The following ATP2B4 variants were observed in gnomAD, a reference collection of about 807,000 sequenced individuals.
ATP2B4 encodes the protein plasma membrane calcium-transporting ATPase 4.
In ATP2B4, 39 loss-of-function variants were observed where a neutral mutation model predicts 110.3. That is an observed-to-expected ratio of 0.35 (90% CI 0.27 to 0.46). ATP2B4 has a LOEUF of 0.46. ATP2B4 is among the 20% of genes least tolerant of loss of function. The pLI, the probability that ATP2B4 is intolerant of heterozygous loss-of-function variation, is 1.00. For synonymous variants in ATP2B4, 538 were observed against 571.7 expected, an observed-to-expected ratio of 0.94 and a Z score of 0.84; for missense variants, 1,135 against 1,530.9, an observed-to-expected ratio of 0.74 and a Z score of 4.32.
At chr1:203,667,221 G>A (rs1257252694) in intron 1 of ATP2B4, among the ~76,000 whole-genome samples, 1 of 152,130 alleles carries the variant, frequency 6.6e-6, no homozygotes, top group Non-Finnish European at 1.5e-5. Context: ...CACAATGCAG[G>A]GATTACAGGT....
In ATP2B4 at chr1:203,686,884, G is replaced by A. The variant is rs368328915; in HGVS notation, c.193+3486G>A. On this transcript the variant is annotated intron_variant, in intron 2 of 20. Transcript: ENST00000357681. Reference sequence around the variant, plus strand: ...AGTTTTTTGTATTTTTAGTAGAGACGGGGTTTCATCATGTTGGCCAGGCTG... The same window carrying A: ...AGTTTTTTGTATTTTTAGTAGAGACAGGGTTTCATCATGTTGGCCAGGCTG... Among the ~76,000 whole-genome samples the A allele has an allele frequency of 9.9e-5, 15 of 151,010 alleles. No homozygotes were observed. The East Asian group carries it at 2.9e-3, about 29-fold the overall frequency.
At chr1:203,681,591 C>T (rs1035762617) in intron 1 of ATP2B4, among the ~76,000 whole-genome samples, 1 of 152,130 alleles carries the variant, frequency 6.6e-6, no homozygotes, top group Admixed American at 6.5e-5. Context: ...TGACACACAG[C>T]GGCCCCACTC....
chr1:203,695,196 G>C (rs955961840), intron 2 of ATP2B4, among the ~76,000 whole-genome samples: 10 of 152,184 alleles, frequency 6.6e-5, no homozygotes, highest in African/African-American at 2.4e-4. Flanking sequence ...AAGCGTCCCA[G>C]GTAGCTTAAC....
intron 2 of ATP2B4, among the ~76,000 whole-genome samples, chr1:203,691,487 C>T (rs1477087541): frequency 6.6e-6 from 1 of 152,064 alleles, no homozygotes; most frequent in Non-Finnish European, 1.5e-5. Context: ...GACTTTTTTC[C>T]CTGGGCCACA....
chr1:203,647,585 C>A (rs942155783), intron 1 of ATP2B4, among the ~76,000 whole-genome samples: 3 of 151,896 alleles, frequency 2.0e-5, no homozygotes, highest in Admixed American at 6.6e-5. Flanking sequence ...ATAGTCAGAC[C>A]CCATCTCTAC....
intron 10 of ATP2B4, among the ~76,000 whole-genome samples, chr1:203,708,809 C>T (rs570175604): frequency 4.2e-4 from 64 of 152,188 alleles, no homozygotes; most frequent in African/African-American, 1.5e-3. Flanking sequence ...GAGCTGAGAT[C>T]ACACCACTGC....
At chr1:203,698,015 A>T (rs1665583460) in intron 2 of ATP2B4, 142 bp from the exon 3 acceptor site, 1 of 713,998 alleles carries the variant, frequency 1.4e-6, no homozygotes. Flanking sequence ...TCTTTATTTT[A>T]TTTATTTTTG....
intron 1 of ATP2B4, among the ~76,000 whole-genome samples, chr1:203,642,020 G>A (rs1229382262): frequency 6.6e-6 from 1 of 152,134 alleles, no homozygotes; most frequent in Non-Finnish European, 1.5e-5. Flanking sequence ...GAGAACAGTG[G>A]GGTAACCCTC....
At chr1:203,632,524 T>C (rs537967064) in intron 1 of ATP2B4, among the ~76,000 whole-genome samples, 1 of 151,898 alleles carries the variant, frequency 6.6e-6, no homozygotes, top group South Asian at 2.1e-4. Flanking sequence ...TTTGTATTTT[T>C]AGTAGAGACA....
At chr1:203,697,985 G>A (rs1324469664) in intron 2 of ATP2B4, among the ~76,000 whole-genome samples, 172 bp from the exon 3 acceptor site, 1 of 151,902 alleles carries the variant, frequency 6.6e-6, no homozygotes, top group Non-Finnish European at 1.5e-5. Flanking sequence ...GATTACAGAC[G>A]TGAGATACCA....
At chr1:203,641,681 A>G (rs971829721) in intron 1 of ATP2B4, among the ~76,000 whole-genome samples, 5 of 152,166 alleles carry the variant, frequency 3.3e-5, no homozygotes, top group African/African-American at 9.7e-5. Context: ...CATTTTACAG[A>G]TAAGAAAGCT....
rs546115688 is a variant in ATP2B4 at position 203,671,961 on chromosome 1, C to T, written c.-464-10781C>T. On this transcript the variant is annotated intron_variant, in intron 1 of 20. Coordinates refer to ENST00000357681, the MANE Select transcript of ATP2B4 (RefSeq NM_001684.5). ...GGGATGGGGGCTTCGAAGCTCTCCT[C>T]CCACGACACCTGGTGAATCCTCCAT... is the stretch of plus-strand genomic sequence containing the variant. Among the ~76,000 whole-genome samples the T allele has an allele frequency of 2.0e-5, 3 of 152,334 alleles. No individual in the cohort carries two copies. The East Asian group carries it at 5.8e-4, about 29-fold the overall frequency.
At position 203,739,985 on chromosome 1, in the gene ATP2B4, C is replaced by T. The variant is rs1458029319; in HGVS notation, c.*131C>T. The T allele has an allele frequency of 2.1e-5, 21 of 999,994 alleles. No homozygotes were observed. The highest frequency in any genetic ancestry group is 3.3e-5 in the African/African-American group (2 of 60,944). 61.9% of individuals were successfully genotyped at this position (999,994 alleles called of 1,614,324 possible). ...TAACAGCAGTGTGTGTGAAGTGAACCTCTACCTGACCATGAAGAGGCAAGA... is the reference window on the plus strand; with the variant it reads ...TAACAGCAGTGTGTGTGAAGTGAACTTCTACCTGACCATGAAGAGGCAAGA... On this transcript the variant is annotated 3_prime_UTR_variant, in exon 21 of 21. Coordinates refer to ENST00000357681, the MANE Select transcript of ATP2B4 (RefSeq NM_001684.5).
chr1:203,627,474 A>G (rs766495892), intron 1 of ATP2B4, among the ~76,000 whole-genome samples: 87 of 152,030 alleles, frequency 5.7e-4, no homozygotes, highest in Admixed American at 1.4e-3. Context: ...TTCCTGGGCT[A>G]TGGGGTAGGG....
At chr1:203,721,584 A>G (rs1666333529) in intron 17 of ATP2B4, among the ~76,000 whole-genome samples, 174 bp downstream of exon 17, 1 of 150,464 alleles carries the variant, frequency 6.6e-6, no homozygotes, top group Non-Finnish European at 1.5e-5. Context: ...CTCATACAGT[A>G]CTCTTGAGTA....
intron 2 of ATP2B4, 128 bp from the exon 3 acceptor site, chr1:203,698,029 C>T (rs1665583987): frequency 1.6e-5 from 12 of 754,162 alleles, no homozygotes; most frequent in Non-Finnish European, 2.6e-5. Context: ...ATTTTTGAGA[C>T]AGCGTCTCTC....
intron 2 of ATP2B4, among the ~76,000 whole-genome samples, chr1:203,686,453 T>C (rs1205760176): frequency 6.6e-6 from 1 of 152,140 alleles, no homozygotes; most frequent in Non-Finnish European, 1.5e-5. Context: ...AAGGCCAACA[T>C]ATATTCTACT....
chr1:203,673,733 G>A (rs112475459), intron 1 of ATP2B4, among the ~76,000 whole-genome samples: 4,624 of 152,232 alleles, frequency 0.03, 99 homozygotes, highest in Middle Eastern at 0.048. Flanking sequence ...CCTGCTGAGC[G>A]TCTGGGGACA....
chr1:203,740,899 G>C lies in ATP2B4; in HGVS notation c.*1045G>C, dbSNP rs949793298. 1 of 152,242 alleles carries C rather than the reference G, an allele frequency of 6.6e-6. No individual in the cohort carries two copies. Among genetic ancestry groups the C allele is most frequent in the African/African-American group, 2.4e-5 (1 of 41,442 alleles). 9.4% of individuals were successfully genotyped at this position (152,242 alleles called of 1,614,324 possible). ...AGCAGACTTTTGTGGGCTCCTCTTT[G>C]GGGTGACCACTGCTTTCAAAGCCAT... is the stretch of plus-strand genomic sequence containing the variant. On this transcript the variant is annotated 3_prime_UTR_variant, in exon 21 of 21. Coordinates refer to ENST00000357681, the MANE Select transcript of ATP2B4 (RefSeq NM_001684.5).
Sources: gnomAD v4.1 joint callset for allele counts (sites outside exome capture counted in the v4.1 genomes callset) on GRCh38, gnomAD v4.1.1 for gene constraint, MANE v1.5 for transcripts, NCBI Gene and HGNC (gene_info 2026-07-23, HGNC 2026-07-21) for gene names.